The following SEC22C variants were observed in gnomAD, a reference collection of about 807,000 sequenced individuals.
The protein encoded by SEC22C is vesicle-trafficking protein SEC22c.
A neutral mutation model predicts 34.7 loss-of-function variants in SEC22C; 29 were observed. The observed-to-expected ratio is 0.84, with a 90% confidence interval of 0.62 to 1.14. SEC22C has a LOEUF of 1.14. Among genes scored for constraint, SEC22C ranks in the 50% most tolerant of loss-of-function variants. The pLI is 0.00. For missense variants in SEC22C, 337 were observed against 369.0 expected (o/e 0.91, Z 0.71); for synonymous variants, 117 against 132.8 (o/e 0.88, Z 0.82).
rs1288579041 is a variant in SEC22C at position 42,550,566 on chromosome 3, T to C, written c.*2682A>G. On this transcript the variant is annotated 3_prime_UTR_variant, in exon 7 of 7. Coordinates refer to ENST00000264454, the MANE Select transcript of SEC22C (RefSeq NM_032970.4). ...TTTCAGTCAAACAATGTTTTTGTGG[T>C]CATTACTTGTACTGTTTTTCTAGTG... 3 of 985,342 alleles carry C rather than the reference T, an allele frequency of 3.0e-6. No individual in the cohort carries two copies. In the African/African-American group the frequency reaches 5.2e-5, roughly 17 times the overall value. 61.0% of individuals were successfully genotyped at this position (985,342 alleles called of 1,614,324 possible). A position where few individuals can be genotyped will look rare whatever the true frequency, so the allele number is the denominator to read the frequency against.
intron 1 of SEC22C, among the ~76,000 whole-genome samples, chr3:42,569,670 T>C (rs971156735): frequency 7.9e-5 from 12 of 152,336 alleles, no homozygotes; most frequent in African/African-American, 2.6e-4. Context: ...TTTCTGCAAA[T>C]GTTTGATACA....
At chr3:42,600,951 T>TGCCCTCGCCCCCGCCCTCGCCCCA in intron 1 of SEC22C, 2 of 1,135,842 alleles carry the variant, frequency 1.8e-6, no homozygotes, top group Non-Finnish European at 2.5e-6. Flanking sequence ...CCCTCGCCCC[T>TGCCCTCGCCCCCGCCCTCGCCCCA]GCCCTGACCG....
At chr3:42,577,053 C>T (rs1704011034) in intron 1 of SEC22C, among the ~76,000 whole-genome samples, 1 of 151,632 alleles carries the variant, frequency 6.6e-6, no homozygotes. Context: ...TAAATAGTGC[C>T]GGGAGTAAAA....
At chr3:42,572,238 A>G (rs1179174167) in intron 1 of SEC22C, among the ~76,000 whole-genome samples, 1 of 151,942 alleles carries the variant, frequency 6.6e-6, no homozygotes, top group Non-Finnish European at 1.5e-5. Context: ...AAAAAAGCCA[A>G]AAAAACTTTG....
At chr3:42,554,286 T>C (rs1702396746) in intron 6 of SEC22C, among the ~76,000 whole-genome samples, 1 of 152,166 alleles carries the variant, frequency 6.6e-6, no homozygotes, top group East Asian at 1.9e-4. Context: ...TGGAGACTTG[T>C]TTTCTAAAAA....
At chr3:42,579,902 T>G (rs1262688463) in intron 1 of SEC22C, among the ~76,000 whole-genome samples, 2 of 152,256 alleles carry the variant, frequency 1.3e-5, no homozygotes, top group Non-Finnish European at 2.9e-5. Flanking sequence ...ATCTACAGTT[T>G]GAACACTTTT....
At chr3:42,600,774 G>C (rs762343902) in intron 1 of SEC22C, 1 of 369,880 alleles carries the variant, frequency 2.7e-6, no homozygotes, top group Non-Finnish European at 4.9e-6. Flanking sequence ...CTGGAGGCCA[G>C]CCAGGTGAAG....
rs1283114791 is a variant in SEC22C at position 42,548,151 on chromosome 3, G to C, written c.*5097C>G. Reference sequence around the variant, plus strand: ...TATTGTTACAAGAAAACCGTAAGAAGCTTGTGTAACATGAACAGCAAGTAT... The same window carrying C: ...TATTGTTACAAGAAAACCGTAAGAACCTTGTGTAACATGAACAGCAAGTAT... On this transcript the variant is annotated 3_prime_UTR_variant, in exon 7 of 7. Coordinates refer to ENST00000264454, the MANE Select transcript of SEC22C (RefSeq NM_032970.4). 6.4e-6 allele frequency: 1 copy of C among 155,836 alleles called. No individual in the cohort carries two copies. The highest frequency in any genetic ancestry group is 6.4e-5 in the Admixed American group (1 of 15,746). The allele number at this position is 155,836 out of a possible 1,614,324, so 9.7% of individuals were successfully genotyped here.
chr3:42,574,749 A>G (rs1703860144), intron 1 of SEC22C, among the ~76,000 whole-genome samples: 1 of 152,238 alleles, frequency 6.6e-6, no homozygotes, highest in African/African-American at 2.4e-5. Context: ...ACATACTCAC[A>G]CACAAACACA....
At position 42,568,086 on chromosome 3, in the gene SEC22C, T is replaced by G. The variant is rs1261118212; in HGVS notation, c.182+779A>C. On this transcript the variant is annotated intron_variant, in intron 2 of 6. Transcript: ENST00000264454. The stretch of plus-strand genomic sequence containing the variant: ...AAACTGTGTCAAAAAAATAAATAAA[T>G]AAAAATTAAAAAGTGAAAAATTAAA... 4.0e-5 allele frequency among the ~76,000 whole-genome samples: 6 copies of G among 149,832 alleles called. No individual in the cohort carries two copies. The East Asian group carries it at 1.2e-3, about 29-fold the overall frequency.
chr3:42,561,390 G>T, intron 3 of SEC22C, 94 bp from the exon 4 acceptor site: 1 of 1,308,466 alleles, frequency 7.6e-7, no homozygotes, highest in Non-Finnish European at 1.1e-6. Context: ...TCTTTTTTTT[G>T]AAGATAGGGT....
intron 1 of SEC22C, chr3:42,590,885 G>T: frequency 6.2e-7 from 1 of 1,613,556 alleles, no homozygotes; most frequent in Non-Finnish European, 8.5e-7. Context: ...CGTGGTTCCG[G>T]AGGTTCCTCG....
chr3:42,593,632 A>C (rs1164911647), intron 1 of SEC22C, among the ~76,000 whole-genome samples: 1 of 152,168 alleles, frequency 6.6e-6, no homozygotes, highest in Non-Finnish European at 1.5e-5. Context: ...GGAAATCCAT[A>C]GTAAAACAGA....
intron 1 of SEC22C, among the ~76,000 whole-genome samples, chr3:42,575,808 C>G (rs1703925824): frequency 6.6e-6 from 1 of 152,126 alleles, no homozygotes; most frequent in Non-Finnish European, 1.5e-5. Flanking sequence ...CATCCAACAA[C>G]AGAAGAATTC....
chr3:42,552,537 C>T lies in SEC22C; in HGVS notation c.*711G>A, dbSNP rs1045807015. 5.2e-5 allele frequency: 51 copies of T among 980,132 alleles called. No homozygotes were observed. Among genetic ancestry groups the T allele is most frequent in the Non-Finnish European group, 6.1e-5 (50 of 825,354 alleles). The allele number at this position is 980,132 out of a possible 1,614,324, so 60.7% of individuals were successfully genotyped here. On this transcript the variant is annotated 3_prime_UTR_variant, in exon 7 of 7. Coordinates refer to ENST00000264454, the MANE Select transcript of SEC22C (RefSeq NM_032970.4). ...AATTTTTAAAATATTCGGATATACC[C>T]TGCAAATAAATATAAAACATCTCTG...
Position 42,552,207 on chromosome 3 carries a change from T to C in SEC22C, c.*1041A>G. On this transcript the variant is annotated 3_prime_UTR_variant, in exon 7 of 7. Transcript: ENST00000264454. ...AAAGTTAACAGATACTTAACTCTTG[T>C]TCATAAAAAATGAGGCCCTCAAGCT... The C allele has an allele frequency of 1.0e-6, 1 of 985,304 alleles. No individual in the cohort carries two copies. Among genetic ancestry groups the C allele is most frequent in the Non-Finnish European group, 1.2e-6 (1 of 829,784 alleles). The allele number at this position is 985,304 out of a possible 1,614,324, so 61.0% of individuals were successfully genotyped here.
At chr3:42,570,274 C>T (rs1703536605) in intron 1 of SEC22C, among the ~76,000 whole-genome samples, 3 of 152,198 alleles carry the variant, frequency 2.0e-5, no homozygotes, top group Admixed American at 1.3e-4. Context: ...AAATGCAAAT[C>T]AAAGACTGTC....
chr3:42,576,645 G>T (rs539505608), intron 1 of SEC22C, among the ~76,000 whole-genome samples: 1 of 151,616 alleles, frequency 6.6e-6, no homozygotes, highest in South Asian at 2.1e-4. Flanking sequence ...TAAATGGGGA[G>T]ATATATCATG....
chr3:42,552,716 T>C lies in SEC22C; in HGVS notation c.*532A>G. ...AAATATTCCAAAGGTATATCGAACC[T>C]AAGATATTGAAAAAATGTAAACAAA... On this transcript the variant is annotated 3_prime_UTR_variant, in exon 7 of 7. Transcript: ENST00000264454. The C allele has an allele frequency of 1.0e-6, 1 of 980,494 alleles. No homozygotes were observed. The highest frequency in any genetic ancestry group is 4.7e-5 in the South Asian group (1 of 21,164). 60.7% of individuals were successfully genotyped at this position (980,494 alleles called of 1,614,324 possible).
Sources: gnomAD v4.1 joint callset for allele counts (sites outside exome capture counted in the v4.1 genomes callset) on GRCh38, gnomAD v4.1.1 for gene constraint, MANE v1.5 for transcripts, NCBI Gene and HGNC (gene_info 2026-07-23, HGNC 2026-07-21) for gene names.